Variants in EVL observed in about 807,000 individuals in gnomAD.
EVL encodes the protein Enah/Vasp-like.
In EVL, 21 loss-of-function variants were observed where a neutral mutation model predicts 59.6. The ratio of observed to expected loss-of-function variants is 0.35; its 90% confidence interval spans 0.25 to 0.51. The LOEUF (loss-of-function observed/expected upper bound fraction) is 0.51, where lower values mean the gene tolerates loss of function less well. Among genes scored for constraint, EVL ranks in the 20% least tolerant of loss-of-function variants. The probability of loss-of-function intolerance (pLI) is 0.97; values close to 1 mark genes in which losing one functional copy is unlikely to be tolerated. For missense variants in EVL, 462 were observed against 546.6 expected (o/e 0.85, Z 1.54); for synonymous variants, 198 against 203.5 (o/e 0.97, Z 0.23).
Position 99,972,070 on chromosome 14 carries a change from C to T in EVL, c.5+13C>T. The T allele has an allele frequency of 3.3e-6, 1 of 306,580 alleles. No individual in the cohort carries two copies. The highest frequency in any genetic ancestry group is 6.0e-6 in the Non-Finnish European group (1 of 167,346). The allele number at this position is 306,580 out of a possible 1,614,324, so 19.0% of individuals were successfully genotyped here. A position where few individuals can be genotyped will look rare whatever the true frequency, so the allele number is the denominator to read the frequency against. The stretch of plus-strand genomic sequence containing the variant: ...CAGCGACAATGAGGTGAGTCGGGGC[C>T]GGCGCCTCGTGGGAGGTGGCAGCGG... On this transcript the variant is annotated intron_variant, in intron 1 of 13. Transcript: ENST00000402714. The surrounding 1 kb of genome is among the most constrained non-coding windows in gnomAD (Gnocchi z 4.4).
chr14:100,013,586 G>T (rs190510895), intron 1 of EVL, among the ~76,000 whole-genome samples: 1 of 152,210 alleles, frequency 6.6e-6, no homozygotes, highest in Admixed American at 6.5e-5. Flanking sequence ...ATCCGGGACC[G>T]AGGGTCCCCT....
At chr14:100,079,537 A>G (rs2062245113) in intron 1 of EVL, among the ~76,000 whole-genome samples, 1 of 152,184 alleles carries the variant, frequency 6.6e-6, no homozygotes, top group Non-Finnish European at 1.5e-5. Flanking sequence ...AGAAGCAAGC[A>G]TGGGGCTGCA....
intron 1 of EVL, among the ~76,000 whole-genome samples, chr14:100,018,201 G>A (rs1015482314): frequency 2.0e-5 from 3 of 152,180 alleles, no homozygotes; most frequent in Admixed American, 1.3e-4. Flanking sequence ...AGAGAGCAGT[G>A]CGCTGCCCTG....
At chr14:100,015,960 T>C (rs2061046364) in intron 1 of EVL, among the ~76,000 whole-genome samples, 1 of 151,376 alleles carries the variant, frequency 6.6e-6, no homozygotes, top group East Asian at 2.0e-4. Flanking sequence ...ATGCCTGTAA[T>C]CCCAGCTACT....
chr14:100,133,948 C>CAA (rs1888608532), intron 8 of EVL, among the ~76,000 whole-genome samples: 1 of 150,918 alleles, frequency 6.6e-6, no homozygotes, highest in Admixed American at 6.6e-5. Context: ...AAAAACAAAA[C>CAA]AAACAACAAC....
chr14:100,058,172 A>G (rs2061764417), intron 1 of EVL, among the ~76,000 whole-genome samples: 1 of 152,200 alleles, frequency 6.6e-6, no homozygotes, highest in African/African-American at 2.4e-5. Flanking sequence ...TCCTAAGTAG[A>G]GTGTCTTCTA....
rs572658521 is a variant in EVL, at chr14:99,988,967, T to C, written c.5+16910T>C. ...GAGTAACTGCTAATGAGTACAAGATTTCTCTTGCAGATAATCCCAGTATCG... is the reference window on the plus strand; with the variant it reads ...GAGTAACTGCTAATGAGTACAAGATCTCTCTTGCAGATAATCCCAGTATCG... On this transcript the variant is annotated intron_variant, in intron 1 of 13. Transcript: ENST00000402714. Among the ~76,000 whole-genome samples the C allele has an allele frequency of 4.6e-5, 7 of 152,316 alleles. No individual in the cohort carries two copies. In the East Asian group the frequency reaches 1.3e-3, roughly 29 times the overall value.
intron 1 of EVL, among the ~76,000 whole-genome samples, chr14:100,047,929 G>A (rs1053731016): frequency 2.0e-4 from 31 of 152,216 alleles, no homozygotes; most frequent in African/African-American, 7.5e-4. Flanking sequence ...GCAAAAAGAA[G>A]TGAATTTTGG....
At chr14:99,973,976 G>A (rs1176147379) in intron 1 of EVL, among the ~76,000 whole-genome samples, 1 of 152,014 alleles carries the variant, frequency 6.6e-6, no homozygotes, top group Non-Finnish European at 1.5e-5. Context: ...CTTCGCTTTG[G>A]AGTTATTTTC....
intron 1 of EVL, among the ~76,000 whole-genome samples, chr14:100,007,983 C>G (rs72710098): frequency 6.6e-6 from 1 of 152,166 alleles, no homozygotes; most frequent in Non-Finnish European, 1.5e-5. Context: ...GGCTTCTACC[C>G]ATTGGATGCT....
chr14:99,973,846 C>T (rs1595533866), intron 1 of EVL, among the ~76,000 whole-genome samples: 1 of 152,084 alleles, frequency 6.6e-6, no homozygotes, highest in East Asian at 1.9e-4. Context: ...TTTTGTGTGA[C>T]ATAATGTGAA....
At chr14:100,124,032 G>T (rs943486895) in intron 4 of EVL, among the ~76,000 whole-genome samples, 1 of 152,212 alleles carries the variant, frequency 6.6e-6, no homozygotes, top group Non-Finnish European at 1.5e-5. Flanking sequence ...ACCCCATGGA[G>T]CTTCTAAAGT....
chr14:100,057,300 A>T (rs557507949), intron 1 of EVL, among the ~76,000 whole-genome samples: 23 of 152,322 alleles, frequency 1.5e-4, no homozygotes, highest in African/African-American at 5.5e-4. Flanking sequence ...TAGTGTCCTC[A>T]TGAACACCAA....
chr14:99,988,312 C>T (rs1338867124), intron 1 of EVL, among the ~76,000 whole-genome samples: 1 of 152,044 alleles, frequency 6.6e-6, no homozygotes, highest in African/African-American at 2.4e-5. Flanking sequence ...AGGTGCTTAG[C>T]ATCATTAGAC....
At chr14:99,978,083 C>G (rs1386083463) in intron 1 of EVL, 1 of 138,234 alleles carries the variant, frequency 7.2e-6, no homozygotes, top group South Asian at 2.2e-4. Context: ...GGTGACAGAG[C>G]GAGACTCTGT....
intron 1 of EVL, among the ~76,000 whole-genome samples, chr14:99,988,159 GC>G (rs1167653191): frequency 6.6e-6 from 1 of 151,902 alleles, no homozygotes; most frequent in African/African-American, 2.4e-5. Context: ...CAGGTGATCT[GC>G]CCACCTCGAC....
intron 13 of EVL, among the ~76,000 whole-genome samples, chr14:100,142,806 G>A (rs1889271076): frequency 6.6e-6 from 1 of 152,212 alleles, no homozygotes; most frequent in Admixed American, 6.5e-5. Context: ...TCAGCCAACT[G>A]GTCACACCGC....
chr14:100,041,450 G>C (rs139757553), intron 1 of EVL, among the ~76,000 whole-genome samples: 4 of 152,352 alleles, frequency 2.6e-5, no homozygotes, highest in African/African-American at 7.2e-5. Context: ...AATGTGGGCA[G>C]AAGGAGGGAT....
At chr14:100,021,417 GA>G (rs757521846) in intron 1 of EVL, among the ~76,000 whole-genome samples, 56 of 152,294 alleles carry the variant, frequency 3.7e-4, no homozygotes, top group Non-Finnish European at 8.8e-5. Context: ...AGCTGGCCCT[GA>G]AAAATTTTAC....
Sources: gnomAD v4.1 joint callset for allele counts (sites outside exome capture counted in the v4.1 genomes callset) on GRCh38, gnomAD v4.1.1 for gene constraint, Gnocchi (gnomAD v3.1) non-coding constraint, MANE v1.5 for transcripts, NCBI Gene and HGNC (gene_info 2026-07-23, HGNC 2026-07-21) for gene names.